The following TMEM50A variants were observed in gnomAD, a reference collection of about 807,000 sequenced individuals.
TMEM50A encodes cervical cancer oncogene 9.
A neutral mutation model predicts 23.9 loss-of-function variants in TMEM50A; 8 were observed. The observed-to-expected ratio is 0.33, with a 90% CI of 0.20 to 0.60. TMEM50A has a LOEUF of 0.60. Among genes scored for constraint, TMEM50A ranks in the 20% least tolerant of loss-of-function variants. The pLI is 0.81. For missense variants in TMEM50A, 178 were observed against 192.7 expected (o/e 0.92, Z 0.45); for synonymous variants, 55 against 60.4 (o/e 0.91, Z 0.41).
chr1:25,347,019 AAAAC>A (rs74815985), intron 3 of TMEM50A, among the ~76,000 whole-genome samples: 17 of 152,172 alleles, frequency 1.1e-4, no homozygotes, highest in East Asian at 5.8e-4. Flanking sequence ...ACTCTGTCTC[AAAAC>A]AAACAAACAA....
intron 2 of TMEM50A, among the ~76,000 whole-genome samples, chr1:25,341,188 A>C (rs929216585): frequency 6.6e-6 from 1 of 152,106 alleles, no homozygotes; most frequent in African/African-American, 2.4e-5. Flanking sequence ...GTAGGCTCTA[A>C]AGAGTAATTT....
At chr1:25,357,872 C>G (rs766403386) in intron 6 of TMEM50A, among the ~76,000 whole-genome samples, 70 of 150,850 alleles carry the variant, frequency 4.6e-4, no homozygotes, top group Admixed American at 4.3e-3. Flanking sequence ...TTCCTGATCT[C>G]GTGATCTGCC....
chr1:25,344,459 C>A (rs1474289768), intron 3 of TMEM50A, among the ~76,000 whole-genome samples: 1 of 152,110 alleles, frequency 6.6e-6, no homozygotes, highest in South Asian at 2.1e-4. Flanking sequence ...TGTATTCTTA[C>A]CAGTTTCTCA....
At chr1:25,347,591 A>T (rs74331418) in intron 3 of TMEM50A, among the ~76,000 whole-genome samples, 1,696 of 152,298 alleles carry the variant, frequency 0.011, 35 homozygotes, top group African/African-American at 0.039. Context: ...GCTTCCAGGT[A>T]ATCCAAGTTG....
In TMEM50A at chr1:25,362,289, G is replaced by T; in HGVS notation, c.*1584G>T. 1.1e-6 allele frequency: 1 copy of T among 905,092 alleles called. No homozygotes were observed. The highest frequency in any genetic ancestry group is 1.7e-6 in the Non-Finnish European group (1 of 604,934). 56.1% of individuals were successfully genotyped at this position (905,092 alleles called of 1,614,324 possible). ...ACTTTAATAATGTGTCTGTAACCAAGAAAATATTGATAGCATCATCCTAAT... is the reference window on the plus strand; with the variant it reads ...ACTTTAATAATGTGTCTGTAACCAATAAAATATTGATAGCATCATCCTAAT... On this transcript the variant is annotated 3_prime_UTR_variant, in exon 7 of 7. Transcript: ENST00000374358.
intron 1 of TMEM50A, among the ~76,000 whole-genome samples, chr1:25,339,012 A>C (rs1226553281): frequency 6.6e-6 from 1 of 152,230 alleles, no homozygotes; most frequent in Non-Finnish European, 1.5e-5. Flanking sequence ...TGAATTTCCT[A>C]AATTGAACTT....
intron 3 of TMEM50A, 50 bp from the exon 4 acceptor site, chr1:25,351,576 G>C: frequency 6.8e-7 from 1 of 1,469,146 alleles, no homozygotes; most frequent in Non-Finnish European, 9.3e-7. Flanking sequence ...ATTGTTTCTG[G>C]TAATTGGTGT....
At chr1:25,359,436 C>T (rs575461901) in intron 6 of TMEM50A, among the ~76,000 whole-genome samples, 146 of 151,808 alleles carry the variant, frequency 9.6e-4, no homozygotes, top group Non-Finnish European at 1.8e-3. Flanking sequence ...AATTTTTTGG[C>T]TTCCCTGGGC....
intron 1 of TMEM50A, among the ~76,000 whole-genome samples, chr1:25,339,650 G>A (rs931563334): frequency 4.6e-5 from 7 of 152,286 alleles, no homozygotes; most frequent in African/African-American, 1.4e-4. Context: ...TCCACTCAGA[G>A]CCAAAGTTTA....
At chr1:25,339,293 G>T (rs1266258518) in intron 1 of TMEM50A, among the ~76,000 whole-genome samples, 2 of 152,248 alleles carry the variant, frequency 1.3e-5, no homozygotes, top group Middle Eastern at 3.4e-3. Flanking sequence ...CGGCTTACAG[G>T]AATGTTTTAT....
intron 5 of TMEM50A, among the ~76,000 whole-genome samples, chr1:25,356,523 T>C (rs553282077): frequency 4.5e-4 from 69 of 152,224 alleles, no homozygotes; most frequent in Non-Finnish European, 9.1e-4. Context: ...AAAAAAATTT[T>C]ACCTGTTTTG....
chr1:25,360,761 C>G lies in TMEM50A; in HGVS notation c.*56C>G, dbSNP rs1423381135. The G allele has an allele frequency of 1.3e-6, 2 of 1,572,706 alleles. No homozygotes were observed. The highest frequency in any genetic ancestry group is 1.7e-6 in the Non-Finnish European group (2 of 1,143,832). Reference sequence around the variant, plus strand: ...CTGCATGGGTTTGTTTGTTTTTTTACTGCTCACTCCCAACCTTTTGTAATG... The same window carrying G: ...CTGCATGGGTTTGTTTGTTTTTTTAGTGCTCACTCCCAACCTTTTGTAATG... On this transcript the variant is annotated 3_prime_UTR_variant, in exon 7 of 7. Coordinates refer to ENST00000374358, the MANE Select transcript of TMEM50A (RefSeq NM_014313.4).
chr1:25,359,055 C>G (rs534885185), intron 6 of TMEM50A, among the ~76,000 whole-genome samples: 2 of 152,288 alleles, frequency 1.3e-5, no homozygotes, highest in South Asian at 4.1e-4. Context: ...GTGTCTGGCT[C>G]ATAGCCCCCA....
intron 3 of TMEM50A, among the ~76,000 whole-genome samples, chr1:25,345,294 A>T (rs557156184): frequency 2.6e-5 from 4 of 152,300 alleles, no homozygotes; most frequent in African/African-American, 7.2e-5. Flanking sequence ...AAAATAATTT[A>T]AAAAGGCTGG....
intron 2 of TMEM50A, among the ~76,000 whole-genome samples, chr1:25,341,231 CTT>C (rs1442364640): frequency 2.6e-5 from 4 of 151,694 alleles, no homozygotes; most frequent in African/African-American, 9.7e-5. Flanking sequence ...GAGTTTTGCT[CTT>C]GTTTTTTTGT....
At chr1:25,346,559 C>T (rs1274380225) in intron 3 of TMEM50A, among the ~76,000 whole-genome samples, 2 of 152,096 alleles carry the variant, frequency 1.3e-5, no homozygotes, top group Non-Finnish European at 2.9e-5. Context: ...CCACACCCAG[C>T]TATTTTTTAA....
chr1:25,343,152 A>G, intron 3 of TMEM50A, 79 bp downstream of exon 3: 2 of 1,097,132 alleles, frequency 1.8e-6, no homozygotes, highest in Non-Finnish European at 2.7e-6. Context: ...GCATAGATTT[A>G]AAATTCTAAA....
chr1:25,357,562 TTGTG>T (rs1553152308), intron 6 of TMEM50A, among the ~76,000 whole-genome samples: 1 of 132,016 alleles, frequency 7.6e-6, no homozygotes, highest in Non-Finnish European at 1.6e-5. Context: ...TGTGTGTGTG[TTGTG>T]TGTGTGTGTG....
chr1:25,359,943 C>T (rs1645378356), intron 6 of TMEM50A, among the ~76,000 whole-genome samples: 1 of 152,132 alleles, frequency 6.6e-6, no homozygotes, highest in Admixed American at 6.6e-5. Flanking sequence ...CCCCAACCAC[C>T]CCCACACTTA....
Sources: gnomAD v4.1 joint callset for allele counts (sites outside exome capture counted in the v4.1 genomes callset) on GRCh38, gnomAD v4.1.1 for gene constraint, MANE v1.5 for transcripts, NCBI Gene and HGNC (gene_info 2026-07-23, HGNC 2026-07-21) for gene names.